The following PRR16 variants were observed in gnomAD, a reference collection of about 807,000 sequenced individuals.
PRR16 encodes proline rich 16, also known as protein Largen.
In PRR16, 6 loss-of-function variants were observed where a neutral mutation model predicts 18.2. That is an observed-to-expected ratio of 0.33 (90% CI 0.18 to 0.65). PRR16 has a LOEUF of 0.65. Among genes scored for constraint, PRR16 ranks in the 30% least tolerant of loss-of-function variants. The pLI is 0.74. For synonymous variants in PRR16, 151 were observed against 147.8 expected, an observed-to-expected ratio of 1.02 and a Z score of -0.16; for missense variants, 412 against 376.6, an observed-to-expected ratio of 1.09 and a Z score of -0.78.
At chr5:120,721,017 G>T in the PRR16 span, among the ~76,000 whole-genome samples, 3 of 151,870 alleles carry the variant, frequency 2.0e-5, no homozygotes, top group African/African-American at 4.8e-5. Flanking sequence ...TACCGAAAAA[G>T]GTTATATTGA....
chr5:120,757,008 A>AG, the PRR16 span, among the ~76,000 whole-genome samples: 1 of 152,058 alleles, frequency 6.6e-6, no homozygotes, highest in East Asian at 1.9e-4. Context: ...ACACGTAGGT[A>AG]GGGGGTCCAG....
chr5:120,485,600 A>C lies in PRR16; in HGVS notation c.159+20955A>C, dbSNP rs371646469. On this transcript the variant is annotated intron_variant, in intron 1 of 1. Coordinates refer to ENST00000407149, the MANE Select transcript of PRR16 (RefSeq NM_001300783.2). ...CACAGTGAACTGTTCATAATGAGTT[A>C]CTAGTGGGACTTGCAGATGTTGGTG... 6.4e-4 allele frequency among the ~76,000 whole-genome samples: 98 copies of C among 152,332 alleles called. 1 individual carries two copies. The highest frequency in any genetic ancestry group is 3.4e-3 in the Middle Eastern group (1 of 294).
chr5:120,609,936 T>C (rs1159185685), intron 1 of PRR16, among the ~76,000 whole-genome samples: 1 of 152,180 alleles, frequency 6.6e-6, no homozygotes, highest in African/African-American at 2.4e-5. Flanking sequence ...TGCTAGTCTC[T>C]TTGGTTTTGA....
chr5:120,764,318 A>G, the PRR16 span, among the ~76,000 whole-genome samples: 3 of 152,038 alleles, frequency 2.0e-5, no homozygotes, highest in Non-Finnish European at 2.9e-5. Context: ...TGAGATTATC[A>G]TATGTTTTCA....
At chr5:120,597,572 C>G (rs1340373669) in intron 1 of PRR16, among the ~76,000 whole-genome samples, 1 of 151,782 alleles carries the variant, frequency 6.6e-6, no homozygotes, top group African/African-American at 2.4e-5. Flanking sequence ...AACGTGTAGT[C>G]TTTCCCCTTA....
chr5:120,707,427 T>C, the PRR16 span, among the ~76,000 whole-genome samples: 2 of 152,214 alleles, frequency 1.3e-5, no homozygotes, highest in Non-Finnish European at 2.9e-5. Flanking sequence ...AAAGCTCTTC[T>C]AGATACTTTT....
At chr5:120,537,612 C>T (rs1751762034) in intron 1 of PRR16, among the ~76,000 whole-genome samples, 1 of 144,746 alleles carries the variant, frequency 6.9e-6, no homozygotes, top group African/African-American at 2.6e-5. Flanking sequence ...TGTATTTGGC[C>T]AAGCAAGATT....
chr5:120,719,030 T>G, the PRR16 span, among the ~76,000 whole-genome samples: 1 of 152,192 alleles, frequency 6.6e-6, no homozygotes, highest in East Asian at 1.9e-4. Flanking sequence ...TTCTACCTGA[T>G]TATAAATGAA....
At chr5:120,776,049 G>A in the PRR16 span, among the ~76,000 whole-genome samples, 668 of 152,128 alleles carry the variant, frequency 4.4e-3, 5 homozygotes, top group African/African-American at 0.016. Context: ...AGGGCAGTCA[G>A]GATCTTATAA....
chr5:120,785,471 C>G, the PRR16 span, among the ~76,000 whole-genome samples: 2 of 151,602 alleles, frequency 1.3e-5, no homozygotes, highest in Non-Finnish European at 2.9e-5. Flanking sequence ...TAAATGTTTC[C>G]TAAGGCAAAG....
chr5:120,640,259 C>T (rs1755376622), intron 1 of PRR16, among the ~76,000 whole-genome samples: 1 of 151,568 alleles, frequency 6.6e-6, no homozygotes, highest in African/African-American at 2.4e-5. Flanking sequence ...ACAATTTACC[C>T]ATTTAACAAA....
the PRR16 span, among the ~76,000 whole-genome samples, chr5:120,778,661 C>T: frequency 9.9e-5 from 15 of 152,120 alleles, no homozygotes; most frequent in Admixed American, 9.8e-4. Context: ...TCATGGCTGA[C>T]CAAACTGTTT....
the PRR16 span, among the ~76,000 whole-genome samples, chr5:120,729,309 G>A: frequency 1.3e-5 from 2 of 152,124 alleles, no homozygotes; most frequent in Non-Finnish European, 2.9e-5. Flanking sequence ...CTCCAGCTGT[G>A]TGGCCATAGG....
chr5:120,545,490 A>G (rs895849709), intron 1 of PRR16, among the ~76,000 whole-genome samples: 1 of 152,038 alleles, frequency 6.6e-6, no homozygotes, highest in African/African-American at 2.4e-5. Context: ...AGCTCACCTT[A>G]TACTTTTTAT....
At position 120,686,845 on chromosome 5, in the gene PRR16, C is replaced by T; in HGVS notation, c.*136C>T. ...TTCAGCAAAGTGGCATAAAAATCACCTGGTAAGTATGCAGCACATTGCTTA... is the reference window on the plus strand; with the variant it reads ...TTCAGCAAAGTGGCATAAAAATCACTTGGTAAGTATGCAGCACATTGCTTA... On this transcript the variant is annotated 3_prime_UTR_variant, in exon 2 of 2. Coordinates refer to ENST00000407149, the MANE Select transcript of PRR16 (RefSeq NM_001300783.2). 1.5e-6 allele frequency: 1 copy of T among 648,392 alleles called. No homozygotes were observed. The highest frequency in any genetic ancestry group is 2.3e-6 in the Non-Finnish European group (1 of 429,250). 40.2% of individuals were successfully genotyped at this position (648,392 alleles called of 1,614,324 possible). A position where few individuals can be genotyped will look rare whatever the true frequency, so the allele number is the denominator to read the frequency against.
At chr5:120,719,286 T>C in the PRR16 span, among the ~76,000 whole-genome samples, 1 of 152,046 alleles carries the variant, frequency 6.6e-6, no homozygotes, top group Non-Finnish European at 1.5e-5. Context: ...TGATAGATAA[T>C]CATAGTGTTA....
chr5:120,783,269 G>GT, the PRR16 span, among the ~76,000 whole-genome samples: 1 of 152,086 alleles, frequency 6.6e-6, no homozygotes, highest in African/African-American at 2.4e-5. Flanking sequence ...GAAATGAAAC[G>GT]TTTTTTCTAA....
intron 1 of PRR16, among the ~76,000 whole-genome samples, chr5:120,595,630 G>A (rs1018696620): frequency 6.6e-6 from 1 of 151,836 alleles, no homozygotes; most frequent in East Asian, 1.9e-4. Context: ...CACACTCCAT[G>A]ACACAACTTT....
intron 1 of PRR16, among the ~76,000 whole-genome samples, chr5:120,536,879 C>T (rs1751734047): frequency 6.6e-6 from 1 of 152,172 alleles, no homozygotes. Flanking sequence ...AGAACAAGAT[C>T]GTGTCTTTTG....
Sources: gnomAD v4.1 joint callset for allele counts (sites outside exome capture counted in the v4.1 genomes callset) on GRCh38, gnomAD v4.1.1 for gene constraint, MANE v1.5 for transcripts, NCBI Gene and HGNC (gene_info 2026-07-23, HGNC 2026-07-21) for gene names.